CLIP2: variants seen among roughly 807,000 people sequenced by gnomAD.
The protein encoded by CLIP2 is CAP-Gly domain containing linker protein 2.
A neutral mutation model predicts 111.7 loss-of-function variants in CLIP2; 41 were observed. The observed-to-expected ratio is 0.37, with a 90% CI of 0.29 to 0.48. The LOEUF is 0.48. CLIP2 is among the 20% of genes least tolerant of loss of function. CLIP2 has a pLI of 0.99. For synonymous variants in CLIP2, 660 were observed against 644.2 expected (o/e 1.02, Z -0.37); for missense variants, 1,160 against 1,422.1 (o/e 0.82, Z 2.96).
At position 74,360,194 on chromosome 7, in the gene CLIP2, A is replaced by G; in HGVS notation, c.1235A>G (p.Glu412Gly). ...GCCCAGTATGTTGCAGAAGCCGAGGAGAAGCTGCAGCGAGCCCGGCTGCTC... is the reference window on the plus strand; with the variant it reads ...GCCCAGTATGTTGCAGAAGCCGAGGGGAAGCTGCAGCGAGCCCGGCTGCTC... ...QHEQYVAEAE[E>G]KLQRARLLVE... The change falls in exon 7 of 17, where the codon GAG becomes GGG. Residue 412 changes from glutamate to glycine, a missense_variant. Physicochemically the swap from Glu to Gly is moderately conservative, Grantham distance 98 (BLOSUM62 -2). This residue lies in a region of CLIP2 where 70 missense variants were observed against 114.9 expected (regional missense o/e 0.61). Transcript: ENST00000223398. The G allele has an allele frequency of 6.2e-7, 1 of 1,606,522 alleles. No individual in the cohort carries two copies. Among genetic ancestry groups the G allele is most frequent in the African/African-American group, 1.3e-5 (1 of 74,966 alleles).
chr7:74,354,902 G>C (rs540824685), intron 4 of CLIP2, among the ~76,000 whole-genome samples: 3 of 152,340 alleles, frequency 2.0e-5, no homozygotes, highest in South Asian at 4.1e-4. Flanking sequence ...CCAGAGGCAG[G>C]CCTCACAGAT....
At chr7:74,390,148 GAAAAAGAAAGAAAGAAGAAAGAAAGA>G (rs1221541467) in intron 13 of CLIP2, among the ~76,000 whole-genome samples, 3 of 57,354 alleles carry the variant, frequency 5.2e-5, no homozygotes, top group Non-Finnish European at 1.0e-4. Context: ...AAGAAAGAAA[GAAAAAGAAAGAAAGAAGAAAGAAAGA>G]AAGAAAGAAA....
intron 2 of CLIP2, among the ~76,000 whole-genome samples, chr7:74,324,743 T>C (rs1310203907): frequency 6.9e-6 from 1 of 145,258 alleles, no homozygotes; most frequent in Non-Finnish European, 1.5e-5. Context: ...CAAAACCGAG[T>C]TGGCTGAGAC....
intron 2 of CLIP2, among the ~76,000 whole-genome samples, chr7:74,317,996 G>A (rs901522183): frequency 2.6e-5 from 4 of 151,896 alleles, no homozygotes; most frequent in African/African-American, 7.3e-5. Context: ...GTTCGAGACC[G>A]AAACCAGCCT....
chr7:74,400,230 C>T, intron 14 of CLIP2, 140 bp from the exon 15 acceptor site: 1 of 649,512 alleles, frequency 1.5e-6, no homozygotes, highest in Non-Finnish European at 2.6e-6. Flanking sequence ...CTCACAGAGG[C>T]CTGAGGGACC....
At chr7:74,335,502 C>T (rs369971394) in intron 2 of CLIP2, among the ~76,000 whole-genome samples, 12 of 149,238 alleles carry the variant, frequency 8.0e-5, no homozygotes, top group African/African-American at 1.5e-4. Flanking sequence ...CTTATTTATT[C>T]ATTTATTTAT....
chr7:74,378,482 A>G (rs192946052), intron 10 of CLIP2, among the ~76,000 whole-genome samples: 1 of 152,188 alleles, frequency 6.6e-6, no homozygotes, highest in South Asian at 2.1e-4. Flanking sequence ...GCTCACACCT[A>G]TAATTCCAGC....
intron 8 of CLIP2, 60 bp from the exon 9 acceptor site, chr7:74,372,872 T>TGGG: frequency 1.4e-6 from 1 of 695,162 alleles, no homozygotes; most frequent in East Asian, 3.7e-5. Flanking sequence ...TTCTTCCCTG[T>TGGG]GCCCCCCTCC....
rs137858161 is a variant in CLIP2 at position 74,314,219 on chromosome 7, G to A, written c.-67-3261G>A. Among the ~76,000 whole-genome samples the A allele has an allele frequency of 6.5e-3, 979 of 149,752 alleles. 43 individuals carry two copies. Among genetic ancestry groups the A allele is most frequent in the Admixed American group, 0.056 (830 of 14,948 alleles). ...AAATTGGGGAAAAGGGACCGGGTGC[G>A]GTGGCTCATGCCTGTAATCCCTGCA... On this transcript the variant is annotated intron_variant, in intron 1 of 16. Coordinates refer to ENST00000223398, the MANE Select transcript of CLIP2 (RefSeq NM_003388.5).
chr7:74,401,670 CAAG>C, intron 16 of CLIP2, 103 bp downstream of exon 16: 1 of 1,216,302 alleles, frequency 8.2e-7, no homozygotes, highest in Non-Finnish European at 1.2e-6. Flanking sequence ...ATGCATTCTG[CAAG>C]AAGCTTTACA....
rs779144077 is a variant in CLIP2 at position 74,379,186 on chromosome 7, G to A, written c.2422-1620G>A. On this transcript the variant is annotated intron_variant, in intron 10 of 16. Coordinates refer to ENST00000223398, the MANE Select transcript of CLIP2 (RefSeq NM_003388.5). ...GCCCCAGAAAGCCCATCTCCTGGCCGGGCGCGGTGGCTCACACCTGTAATC... is the reference window on the plus strand; with the variant it reads ...GCCCCAGAAAGCCCATCTCCTGGCCAGGCGCGGTGGCTCACACCTGTAATC... Among the ~76,000 whole-genome samples, 6 of 152,102 alleles carry A rather than the reference G, an allele frequency of 3.9e-5. No homozygotes were observed. In the South Asian group the frequency reaches 8.3e-4, roughly 21 times the overall value.
At chr7:74,371,587 G>A (rs1482702862) in intron 8 of CLIP2, among the ~76,000 whole-genome samples, 1 of 147,178 alleles carries the variant, frequency 6.8e-6, no homozygotes, top group Non-Finnish European at 1.5e-5. Flanking sequence ...GGGAGAGAGG[G>A]GAAAAGAGAA....
chr7:74,402,103 G>T (rs1791639067), intron 16 of CLIP2, among the ~76,000 whole-genome samples: 1 of 151,932 alleles, frequency 6.6e-6, no homozygotes, highest in Non-Finnish European at 1.5e-5. Context: ...TCTGGCGGGC[G>T]GATCACAAGG....
intron 2 of CLIP2, among the ~76,000 whole-genome samples, chr7:74,336,213 A>G (rs1327210042): frequency 6.6e-6 from 1 of 151,586 alleles, no homozygotes; most frequent in Non-Finnish European, 1.5e-5. Flanking sequence ...GACTACAGGC[A>G]TATGCCACCA....
intron 16 of CLIP2, among the ~76,000 whole-genome samples, chr7:74,402,095 T>C (rs782588673): frequency 3.3e-5 from 5 of 152,036 alleles, no homozygotes; most frequent in Non-Finnish European, 7.4e-5. Context: ...AAACTCCATC[T>C]GGCGGGCGGA....
intron 2 of CLIP2, among the ~76,000 whole-genome samples, chr7:74,329,314 G>A (rs1353463523): frequency 6.6e-6 from 1 of 151,746 alleles, no homozygotes; most frequent in Non-Finnish European, 1.5e-5. Context: ...CAGAGTGCTG[G>A]GATAACAGAC....
At chr7:74,371,474 C>G (rs1186838993) in intron 8 of CLIP2, among the ~76,000 whole-genome samples, 2 of 142,824 alleles carry the variant, frequency 1.4e-5, no homozygotes, top group Admixed American at 1.4e-4. Context: ...AAGAGACATG[C>G]TGACTTCTTG....
intron 1 of CLIP2, among the ~76,000 whole-genome samples, chr7:74,291,148 C>G (rs1788004816): frequency 6.6e-6 from 1 of 152,086 alleles, no homozygotes; most frequent in African/African-American, 2.4e-5. Context: ...CAGTGCCTTG[C>G]GGGGGAATGA....
chr7:74,396,555 C>G (rs1312800776), intron 13 of CLIP2, among the ~76,000 whole-genome samples: 1 of 152,166 alleles, frequency 6.6e-6, no homozygotes, highest in African/African-American at 2.4e-5. Flanking sequence ...CAGCCTTGCT[C>G]TGTTGCCCAG....
Sources: gnomAD v4.1 joint callset for allele counts (sites outside exome capture counted in the v4.1 genomes callset) on GRCh38, gnomAD v4.1.1 for gene constraint, gnomAD v4.1.1 regional missense constraint, MANE v1.5 for transcripts, NCBI Gene and HGNC (gene_info 2026-07-23, HGNC 2026-07-21) for gene names.